WDTC1: variants seen among roughly 807,000 people sequenced by gnomAD.
WDTC1 encodes the protein WD and tetratricopeptide repeats protein 1.
Under a neutral mutation model 76.0 loss-of-function variants are expected in WDTC1, and 12 were observed. That is an observed-to-expected ratio of 0.16 (90% CI 0.10 to 0.26). The LOEUF is 0.26. WDTC1 is among the 10% of genes least tolerant of loss of function. WDTC1 has a pLI of 1.00. For missense variants in WDTC1, 511 were observed against 908.8 expected (o/e 0.56, Z 5.63); for synonymous variants, 326 against 350.8 (o/e 0.93, Z 0.79).
In WDTC1 at chr1:27,303,828, G is replaced by C; in HGVS notation, c.1643+33G>C. 1 of 1,608,460 alleles carries C rather than the reference G, an allele frequency of 6.2e-7. No individual in the cohort carries two copies. The highest frequency in any genetic ancestry group is 8.5e-7 in the Non-Finnish European group (1 of 1,178,102). On this transcript the variant is annotated intron_variant, in intron 14 of 15. Transcript: ENST00000319394. The surrounding 1 kb of genome is among the most constrained non-coding windows in gnomAD (Gnocchi z 4.8). ...GCCCTGAAGAGGAGGGTGCAGCCCA[G>C]TTGGCAGCGGGAGGTTGAGTGGGGA...
rs1237839678 is a variant in WDTC1 at position 27,301,253 on chromosome 1, G to A, written c.1260G>A (p.Arg420=). Residue 420 remains arginine (R), a synonymous_variant, in exon 13 of 16, where the codon AGG becomes AGA. Transcript: ENST00000319394. The surrounding 1 kb of genome is among the most constrained non-coding windows in gnomAD (Gnocchi z 5.8). ...KWDGDHYDAL[R]DCLKAISLNP... ...ATGGTGACCACTATGATGCCCTGAGGGACTGCCTCAAGGCCATCTCCCTAA... is the reference window on the plus strand; with the variant it reads ...ATGGTGACCACTATGATGCCCTGAGAGACTGCCTCAAGGCCATCTCCCTAA... The A allele has an allele frequency of 6.2e-7, 1 of 1,614,052 alleles. No individual in the cohort carries two copies. The highest frequency in any genetic ancestry group is 1.3e-5 in the African/African-American group (1 of 75,032).
intron 1 of WDTC1, among the ~76,000 whole-genome samples, chr1:27,245,377 T>G (rs1480041038): frequency 1.3e-5 from 2 of 151,636 alleles, no homozygotes; most frequent in African/African-American, 2.4e-5. Context: ...GGAAGACCAG[T>G]GGGATCAATG....
chr1:27,269,368 A>G (rs1325796214), intron 3 of WDTC1, among the ~76,000 whole-genome samples: 3 of 150,758 alleles, frequency 2.0e-5, no homozygotes, highest in Non-Finnish European at 2.9e-5. Flanking sequence ...AAAACAGTAA[A>G]TTCGTTAGGC....
chr1:27,253,514 C>CTT (rs544974118), intron 1 of WDTC1, among the ~76,000 whole-genome samples: 3 of 129,942 alleles, frequency 2.3e-5, no homozygotes, highest in African/African-American at 8.5e-5. Context: ...TTCTTTCTTT[C>CTT]TTTTTTTTTT....
At chr1:27,263,846 T>G (rs976556278) in intron 3 of WDTC1, among the ~76,000 whole-genome samples, 1 of 152,156 alleles carries the variant, frequency 6.6e-6, no homozygotes, top group Non-Finnish European at 1.5e-5. Flanking sequence ...TACAGGAATA[T>G]AGAATTTATA....
At chr1:27,276,097 G>A (rs578082401) in intron 3 of WDTC1, among the ~76,000 whole-genome samples, 1 of 152,216 alleles carries the variant, frequency 6.6e-6, no homozygotes, top group Admixed American at 6.5e-5. Context: ...TCATTTGGAT[G>A]TACCACATTC....
intron 5 of WDTC1, 132 bp from the exon 6 acceptor site, chr1:27,287,542 G>C: frequency 9.7e-7 from 1 of 1,032,166 alleles, no homozygotes; most frequent in Non-Finnish European, 1.4e-6. Flanking sequence ...ATGAGCCACC[G>C]CGCCCAGCCT....
intron 1 of WDTC1, among the ~76,000 whole-genome samples, chr1:27,243,198 A>ATTTTT (rs10714028): frequency 3.3e-5 from 2 of 60,248 alleles, no homozygotes; most frequent in Non-Finnish European, 6.8e-5. Context: ...CTGGCCAGTA[A>ATTTTT]TTTTTTTTTT....
At chr1:27,255,846 G>A (rs1268481282) in intron 1 of WDTC1, among the ~76,000 whole-genome samples, 1 of 152,062 alleles carries the variant, frequency 6.6e-6, no homozygotes, top group Non-Finnish European at 1.5e-5. Context: ...TCGGATTACA[G>A]GCGTGAACCA....
In WDTC1 at chr1:27,303,838, G is replaced by C; in HGVS notation, c.1643+43G>C. On this transcript the variant is annotated intron_variant, in intron 14 of 15. Transcript: ENST00000319394. The surrounding 1 kb of genome is among the most constrained non-coding windows in gnomAD (Gnocchi z 4.8). ...GGAGGGTGCAGCCCAGTTGGCAGCG[G>C]GAGGTTGAGTGGGGAGTGTTGGGGC... 1.2e-6 allele frequency: 2 copies of C among 1,607,454 alleles called. No individual in the cohort carries two copies. The highest frequency in any genetic ancestry group is 3.4e-5 in the Admixed American group (2 of 58,580).
chr1:27,280,236 T>G (rs1279745750), intron 3 of WDTC1, among the ~76,000 whole-genome samples: 1 of 152,194 alleles, frequency 6.6e-6, no homozygotes. Flanking sequence ...TATAAGTAAT[T>G]CTTAGGCACA....
At chr1:27,277,029 G>T (rs1336228993) in intron 3 of WDTC1, among the ~76,000 whole-genome samples, 1 of 14,182 alleles carries the variant, frequency 7.1e-5, no homozygotes, top group African/African-American at 1.4e-4. Flanking sequence ...TTCAATTTAT[G>T]TTTTATTTTT....
chr1:27,252,688 C>T (rs975041125), intron 1 of WDTC1, among the ~76,000 whole-genome samples: 1 of 151,840 alleles, frequency 6.6e-6, no homozygotes, highest in African/African-American at 2.4e-5. Flanking sequence ...ATCCCAGCTA[C>T]TCCGGAGGCA....
intron 3 of WDTC1, among the ~76,000 whole-genome samples, chr1:27,269,820 C>T (rs574228392): frequency 2.0e-5 from 3 of 151,882 alleles, no homozygotes; most frequent in African/African-American, 7.2e-5. Context: ...CCATATTGGC[C>T]AGGCTGGTCT....
intron 7 of WDTC1, among the ~76,000 whole-genome samples, chr1:27,293,736 G>C (rs931504143): frequency 1.3e-5 from 2 of 152,036 alleles, no homozygotes; most frequent in Non-Finnish European, 2.9e-5. Flanking sequence ...CTCACACACT[G>C]CATGGCTTGG....
At chr1:27,296,246 G>A in intron 9 of WDTC1, 80 bp from the exon 10 acceptor site, 1 of 1,538,524 alleles carries the variant, frequency 6.5e-7, no homozygotes, top group Non-Finnish European at 9.0e-7. Context: ...TAGTTCTTGA[G>A]AAACCAAGAC....
intron 13 of WDTC1, among the ~76,000 whole-genome samples, chr1:27,302,890 C>T (rs1004870951): frequency 6.6e-6 from 1 of 152,192 alleles, no homozygotes; most frequent in African/African-American, 2.4e-5. Context: ...CTTAACTGAT[C>T]AGTGACTCTC....
chr1:27,235,368 CTCTT>C (rs1247506233), intron 1 of WDTC1, among the ~76,000 whole-genome samples: 16 of 151,018 alleles, frequency 1.1e-4, no homozygotes, highest in South Asian at 1.0e-3. Flanking sequence ...CTCGCTCTCT[CTCTT>C]TCTGTTTTTC....
chr1:27,240,694 G>C (rs369042294), intron 1 of WDTC1, among the ~76,000 whole-genome samples: 1 of 152,062 alleles, frequency 6.6e-6, no homozygotes, highest in East Asian at 1.9e-4. Flanking sequence ...TTTTAAGCCT[G>C]GGCTGGGCGC....
Sources: gnomAD v4.1 joint callset for allele counts (sites outside exome capture counted in the v4.1 genomes callset) on GRCh38, gnomAD v4.1.1 for gene constraint, Gnocchi (gnomAD v3.1) non-coding constraint, MANE v1.5 for transcripts, NCBI Gene and HGNC (gene_info 2026-07-23, HGNC 2026-07-21) for gene names.